The following SND1 variants were observed in gnomAD, a reference collection of about 807,000 sequenced individuals.
SND1 encodes the protein staphylococcal nuclease domain-containing protein 1.
A neutral mutation model predicts 121.7 loss-of-function variants in SND1; 38 were observed. That is an observed-to-expected ratio of 0.31 (90% CI 0.24 to 0.41). The LOEUF (loss-of-function observed/expected upper bound fraction) is 0.41. Among genes scored for constraint, SND1 ranks in the 10% least tolerant of loss-of-function variants. The pLI is 1.00. For synonymous variants in SND1, 401 were observed against 447.4 expected (o/e 0.90, Z 1.31); for missense variants, 868 against 1,184.6 (o/e 0.73, Z 3.92).
intron 14 of SND1, among the ~76,000 whole-genome samples, chr7:127,926,031 A>T (rs1034058222): frequency 5.3e-5 from 8 of 151,952 alleles, no homozygotes; most frequent in African/African-American, 1.9e-4. Flanking sequence ...CAAATTACTT[A>T]ACTGAATTCT....
intron 7 of SND1, among the ~76,000 whole-genome samples, chr7:127,704,236 A>G (rs1053553596): frequency 6.6e-6 from 1 of 152,084 alleles, no homozygotes; most frequent in Admixed American, 6.5e-5. Context: ...TAAGCTACTT[A>G]CTCTTTGGCT....
At chr7:127,692,246 T>TA (rs1192199340) in intron 2 of SND1, among the ~76,000 whole-genome samples, 1 of 152,226 alleles carries the variant, frequency 6.6e-6, no homozygotes, top group African/African-American at 2.4e-5. Context: ...TTGTGGTAGA[T>TA]ATGACAACCT....
rs141524764 is a variant in SND1 at position 127,766,169 on chromosome 7, C to T, written c.1153-41315C>T. On this transcript the variant is annotated intron_variant, in intron 10 of 23. Coordinates refer to ENST00000354725, the MANE Select transcript of SND1 (RefSeq NM_014390.4). ...CCACACTCCTCCCCTTTGGAAGATG[C>T]AGCAAACAAGGTGCCATCTTGGAAG... 4.9e-3 allele frequency among the ~76,000 whole-genome samples: 751 copies of T among 152,320 alleles called. 4 individuals carry two copies. The highest frequency in any genetic ancestry group is 0.017 in the African/African-American group (724 of 41,568).
At chr7:127,826,521 T>C (rs1418240335) in intron 11 of SND1, among the ~76,000 whole-genome samples, 2 of 152,228 alleles carry the variant, frequency 1.3e-5, no homozygotes, top group African/African-American at 4.8e-5. Context: ...AGCACTTTCT[T>C]ACATAGGATT....
At chr7:128,037,906 A>G (rs148226099) in intron 16 of SND1, among the ~76,000 whole-genome samples, 174 of 152,344 alleles carry the variant, frequency 1.1e-3, no homozygotes, top group Non-Finnish European at 2.0e-3. Flanking sequence ...ATATTGGAAC[A>G]CTTAAGCGTT....
At chr7:127,849,106 G>C (rs1799120097) in intron 12 of SND1, among the ~76,000 whole-genome samples, 2 of 152,170 alleles carry the variant, frequency 1.3e-5, no homozygotes, top group African/African-American at 2.4e-5. Context: ...TCTGGTTCCT[G>C]GGTTGGGAAT....
chr7:127,694,735 T>G (rs898889663), intron 2 of SND1, 93 bp from the exon 3 acceptor site: 1 of 1,472,130 alleles, frequency 6.8e-7, no homozygotes, highest in African/African-American at 1.4e-5. Context: ...TGGTAGGTAC[T>G]CAGACATTTA....
chr7:127,769,178 G>T (rs1254508884), intron 10 of SND1, among the ~76,000 whole-genome samples: 1 of 152,134 alleles, frequency 6.6e-6, no homozygotes, highest in African/African-American at 2.4e-5. Context: ...TTAGCTGCTG[G>T]CGTAGAATTA....
At chr7:127,802,475 G>C (rs914727970) in intron 10 of SND1, among the ~76,000 whole-genome samples, 14 of 152,148 alleles carry the variant, frequency 9.2e-5, no homozygotes, top group Non-Finnish European at 4.4e-5. Context: ...GCTTGCCTTA[G>C]TTTGTGGCAT....
chr7:127,675,208 CA>C (rs1254355332), intron 1 of SND1, among the ~76,000 whole-genome samples: 1 of 151,936 alleles, frequency 6.6e-6, no homozygotes, highest in Non-Finnish European at 1.5e-5. Context: ...CTCAAAAAAA[CA>C]AAAAAACCCT....
intron 15 of SND1, among the ~76,000 whole-genome samples, chr7:127,933,120 T>C (rs1219960397): frequency 6.6e-6 from 1 of 152,202 alleles, no homozygotes; most frequent in Non-Finnish European, 1.5e-5. Flanking sequence ...AAAGAGAACA[T>C]TGAAGTTTTG....
intron 14 of SND1, among the ~76,000 whole-genome samples, chr7:127,920,516 T>C (rs1341740433): frequency 6.6e-6 from 1 of 152,098 alleles, no homozygotes; most frequent in Non-Finnish European, 1.5e-5. Context: ...ATTGTAAGAC[T>C]AGTGTGTTGA....
intron 10 of SND1, among the ~76,000 whole-genome samples, chr7:127,753,022 T>C (rs1401696507): frequency 6.6e-6 from 1 of 152,180 alleles, no homozygotes; most frequent in African/African-American, 2.4e-5. Flanking sequence ...TTTCCTGAAC[T>C]CTGGTTTGTG....
In SND1 at chr7:127,707,626, G is replaced by C. The variant is rs1320796423; in HGVS notation, c.1017G>C (p.Lys339Asn). 6.2e-7 allele frequency: 1 copy of C among 1,614,060 alleles called. No homozygotes were observed. The highest frequency in any genetic ancestry group is 8.5e-7 in the Non-Finnish European group (1 of 1,179,940). Residue 339 changes from lysine to asparagine, a missense_variant, in exon 9 of 24, where the codon AAG becomes AAC. Physicochemically the swap from Lys to Asn is moderately conservative, Grantham distance 94. Around this residue, in one of 2 missense-constraint regions of SND1, gnomAD observed 743 missense variants for 1,071.3 expected, o/e 0.69. Transcript: ENST00000354725. ...CTCCCACAGCTAATTTGGACCAAAA[G>C]GACAAGCAGTTTGTTGCCAAGGTGA... ...YVAPTANLDQ[K>N]DKQFVAKVMQ...
chr7:127,957,852 C>A (rs1563070639), intron 15 of SND1, among the ~76,000 whole-genome samples: 1 of 152,156 alleles, frequency 6.6e-6, no homozygotes, highest in Admixed American at 6.5e-5. Context: ...AGGCGCGAGC[C>A]ACCACACCCA....
At chr7:128,031,533 G>A (rs931548768) in intron 16 of SND1, 20 of 151,464 alleles carry the variant, frequency 1.3e-4, no homozygotes, top group Admixed American at 1.2e-3. Flanking sequence ...TCTTCTCGGA[G>A]GGTGGAAGAG....
intron 12 of SND1, among the ~76,000 whole-genome samples, chr7:127,844,781 G>A (rs1799027767): frequency 6.6e-6 from 1 of 152,174 alleles, no homozygotes; most frequent in Non-Finnish European, 1.5e-5. Flanking sequence ...GTATAGAATA[G>A]CAGGTAACAA....
At chr7:127,960,168 A>G (rs78539223) in intron 15 of SND1, among the ~76,000 whole-genome samples, 1,647 of 152,328 alleles carry the variant, frequency 0.011, 17 homozygotes, top group Non-Finnish European at 0.015. Context: ...ATCTAGGCCA[A>G]TATTATCATT....
At chr7:127,841,854 A>G (rs2116643557) in intron 11 of SND1, among the ~76,000 whole-genome samples, 1 of 152,300 alleles carries the variant, frequency 6.6e-6, no homozygotes, top group East Asian at 1.9e-4. Context: ...GCAATAATTT[A>G]AAGCTAGGTA....
Sources: allele counts gnomAD v4.1 joint callset (sites outside exome capture counted in the v4.1 genomes callset), GRCh38; gene constraint gnomAD v4.1.1; regional missense constraint gnomAD v4.1.1; transcripts MANE v1.5; gene names NCBI Gene and HGNC (gene_info 2026-07-23, HGNC 2026-07-21).